The following ANO2 variants were observed in gnomAD, a reference collection of about 807,000 sequenced individuals.
ANO2 encodes anoctamin-2.
ANO2 carries 101 observed loss-of-function variants against 124.2 expected under a neutral mutation model. The observed-to-expected ratio is 0.81, with a 90% confidence interval of 0.69 to 0.96. ANO2 has a LOEUF of 0.96. Among genes scored for constraint, ANO2 ranks in the 40% least tolerant of loss-of-function variants. ANO2 has a pLI of 0.00. For missense variants in ANO2, 1,293 were observed against 1,274.5 expected (o/e 1.01, Z -0.22); for synonymous variants, 486 against 482.5 (o/e 1.01, Z -0.09).
chr12:5,723,679 C>A (rs960298581), intron 14 of ANO2, among the ~76,000 whole-genome samples: 7 of 152,102 alleles, frequency 4.6e-5, no homozygotes, highest in African/African-American at 1.7e-4. Context: ...GAGACAGAAA[C>A]CATGCACTGT....
chr12:5,808,522 G>GGAGGGGGAGGA (rs1953277792), intron 7 of ANO2, among the ~76,000 whole-genome samples: 1 of 152,118 alleles, frequency 6.6e-6, no homozygotes, highest in Non-Finnish European at 1.5e-5. Flanking sequence ...ATTTAATCAT[G>GGAGGGGGAGGA]GAGGGGGAGG....
intron 19 of ANO2, among the ~76,000 whole-genome samples, chr12:5,603,922 G>T (rs887998049): frequency 1.7e-5 from 2 of 116,836 alleles, no homozygotes; most frequent in African/African-American, 3.1e-5. Context: ...TCCGTCCTGG[G>T]TGAAAGAGCG....
At chr12:5,741,513 C>T (rs191165702) in intron 12 of ANO2, among the ~76,000 whole-genome samples, 2 of 152,188 alleles carry the variant, frequency 1.3e-5, no homozygotes, top group East Asian at 3.9e-4. Flanking sequence ...CCTTGGTTCC[C>T]GAGGAGGGCT....
chr12:5,848,751 T>C (rs568196285), intron 4 of ANO2, among the ~76,000 whole-genome samples: 110 of 152,312 alleles, frequency 7.2e-4, no homozygotes, highest in Non-Finnish European at 9.6e-4. Context: ...AGATTTCATG[T>C]CTGGATTTCT....
At chr12:5,831,477 G>A (rs1954150953) in intron 5 of ANO2, among the ~76,000 whole-genome samples, 1 of 152,136 alleles carries the variant, frequency 6.6e-6, no homozygotes, top group South Asian at 2.1e-4. Context: ...AGAGCAGCAA[G>A]CCACCAGTCA....
chr12:5,679,216 C>A (rs1286696507), intron 14 of ANO2, among the ~76,000 whole-genome samples: 1 of 152,158 alleles, frequency 6.6e-6, no homozygotes, highest in Non-Finnish European at 1.5e-5. Context: ...CAATTCAGAA[C>A]ACAGACACAA....
intron 7 of ANO2, among the ~76,000 whole-genome samples, chr12:5,821,370 C>T (rs976362823): frequency 6.6e-6 from 1 of 152,230 alleles, no homozygotes; most frequent in African/African-American, 2.4e-5. Context: ...TTGGAGGCAA[C>T]ACATTTCTCA....
intron 10 of ANO2, among the ~76,000 whole-genome samples, chr12:5,752,895 T>A (rs1250308004): frequency 1.3e-5 from 2 of 152,180 alleles, no homozygotes; most frequent in Admixed American, 1.3e-4. Context: ...TTGTATGGTA[T>A]AAAATAAGGG....
At chr12:5,700,237 T>A (rs926351292) in intron 14 of ANO2, among the ~76,000 whole-genome samples, 1 of 152,202 alleles carries the variant, frequency 6.6e-6, no homozygotes, top group East Asian at 1.9e-4. Context: ...TATAACAAAC[T>A]GTCTCTCAGA....
At chr12:5,800,089 C>A (rs994060378) in intron 9 of ANO2, among the ~76,000 whole-genome samples, 8 of 152,198 alleles carry the variant, frequency 5.3e-5, no homozygotes, top group Admixed American at 5.2e-4. Context: ...CTGTTGTAGA[C>A]AGGATGGCCA....
At position 5,599,546 on chromosome 12, in the gene ANO2, T is replaced by C; in HGVS notation, c.2171A>G (p.Gln724Arg). The part of the protein sequence containing the change: ...TDSAHSKHPE[Q>R]WDLDYSLEPY... ...TTCCAAGCTGTAGTCTAGGTCCCAC[T>C]GCTCTGGATGTTTCGAATGGGCAGA... is the stretch of plus-strand genomic sequence containing the variant. Residue 724 changes from glutamine to arginine, a missense_variant, in exon 20 of 25, where the codon CAG becomes CGG. Physicochemically the swap from Gln to Arg is conservative, Grantham distance 43 (BLOSUM62 1). Coordinates refer to ENST00000682330, the MANE Select transcript of ANO2 (RefSeq NM_001364791.2). 6.2e-7 allele frequency: 1 copy of C among 1,613,932 alleles called. No individual in the cohort carries two copies. Among genetic ancestry groups the C allele is most frequent in the Non-Finnish European group, 8.5e-7 (1 of 1,179,860 alleles).
chr12:5,663,402 C>T (rs1416825452), intron 14 of ANO2, among the ~76,000 whole-genome samples: 3 of 152,182 alleles, frequency 2.0e-5, no homozygotes, highest in Non-Finnish European at 4.4e-5. Flanking sequence ...CTCTTTCCTC[C>T]TTTCTCACTC....
intron 14 of ANO2, among the ~76,000 whole-genome samples, chr12:5,667,889 C>T (rs148669023): frequency 0.016 from 2,488 of 152,274 alleles, 37 homozygotes; most frequent in Non-Finnish European, 0.021. Context: ...AATAACATTC[C>T]TTTCTATGGC....
chr12:5,728,882 G>C (rs1950536775), intron 14 of ANO2, among the ~76,000 whole-genome samples: 1 of 152,194 alleles, frequency 6.6e-6, no homozygotes, highest in African/African-American at 2.4e-5. Context: ...AGATAATTCA[G>C]TGAGGAAACA....
chr12:5,799,386 G>T, intron 10 of ANO2, 121 bp downstream of exon 10: 1 of 860,432 alleles, frequency 1.2e-6, no homozygotes, highest in Admixed American at 2.3e-5. Flanking sequence ...GTGGATCATA[G>T]AAGCTAGAAA....
chr12:5,692,145 AC>A (rs2137015169), intron 14 of ANO2, among the ~76,000 whole-genome samples: 1 of 152,264 alleles, frequency 6.6e-6, no homozygotes, highest in East Asian at 1.9e-4. Flanking sequence ...ATGATGCAAT[AC>A]CCCTGGCAAG....
At chr12:5,829,335 C>T (rs573422500) in intron 6 of ANO2, among the ~76,000 whole-genome samples, 9 of 152,168 alleles carry the variant, frequency 5.9e-5, no homozygotes, top group South Asian at 4.2e-4. Flanking sequence ...GAAAATGGGA[C>T]GTTAATGCCT....
intron 19 of ANO2, among the ~76,000 whole-genome samples, chr12:5,606,946 G>A (rs1257164827): frequency 1.3e-5 from 2 of 151,774 alleles, no homozygotes; most frequent in Admixed American, 1.3e-4. Flanking sequence ...GCTTTTAGAA[G>A]TAAAGAATCA....
At chr12:5,813,056 GA>G (rs2137185527) in intron 7 of ANO2, among the ~76,000 whole-genome samples, 1 of 75,704 alleles carries the variant, frequency 1.3e-5, no homozygotes, top group Admixed American at 1.2e-4. Context: ...AAAGAAAGAG[GA>G]AGGAAGGAAG....
Sources: allele counts gnomAD v4.1 joint callset (sites outside exome capture counted in the v4.1 genomes callset), GRCh38; gene constraint gnomAD v4.1.1; transcripts MANE v1.5; gene names NCBI Gene and HGNC (gene_info 2026-07-23, HGNC 2026-07-21).